ZNF75D: variants seen among roughly 807,000 people sequenced by gnomAD.
ZNF75D encodes zinc finger protein 75.
A neutral mutation model predicts 33.3 loss-of-function variants in ZNF75D; 33 were observed. The ratio of observed to expected loss-of-function variants is 0.99; its 90% confidence interval spans 0.75 to 1.32. ZNF75D has a LOEUF of 1.32. Ranked by LOEUF, ZNF75D falls within the 40% of genes most tolerant of loss-of-function variation. ZNF75D has a pLI of 0.00. For synonymous variants in ZNF75D, 113 were observed against 130.6 expected, an observed-to-expected ratio of 0.87 and a Z score of 0.92; for missense variants, 338 against 367.5, an observed-to-expected ratio of 0.92 and a Z score of 0.66.
intron 1 of ZNF75D, among the ~76,000 whole-genome samples, chrX:135,325,233 G>C (rs1308364342): frequency 9.4e-6 from 1 of 106,913 alleles, no homozygotes; most frequent in East Asian, 3.1e-4. Flanking sequence ...CTCAGAGCCA[G>C]TGCATGCCAG....
At chrX:135,298,902 TC>T (rs2084173025) in intron 1 of ZNF75D, among the ~76,000 whole-genome samples, 1 of 112,073 alleles carries the variant, frequency 8.9e-6, no homozygotes, top group South Asian at 3.7e-4. Flanking sequence ...CTTTTGTGTC[TC>T]CCTTTTTTCC....
intron 1 of ZNF75D, among the ~76,000 whole-genome samples, chrX:135,276,146 T>C (rs1215027863): frequency 9.0e-6 from 1 of 111,597 alleles, no homozygotes; most frequent in Non-Finnish European, 1.9e-5. Flanking sequence ...ACACATCCAA[T>C]ACCCAAAACA....
At chrX:135,291,432 C>A in intron 5 of ZNF75D, 40 bp downstream of exon 5, 1 of 1,203,307 alleles carries the variant, frequency 8.3e-7, no homozygotes, top group Non-Finnish European at 1.1e-6. Flanking sequence ...GGCAAGGCCA[C>A]AGTCAAGTCA....
rs781852285 is a variant in ZNF75D at position 135,331,602 on chromosome X, T to C, written c.-391+10166A>G. On this transcript the variant is annotated intron_variant, in intron 1 of 6. Coordinates refer to ENST00000370766, the MANE Select transcript of ZNF75D (RefSeq NM_007131.5). Reference sequence around the variant, plus strand: ...AACATAAGGTCAACCATTAAAGCCATTGCAAATTCCAAGCATTTCTCTTGT... The same window carrying C: ...AACATAAGGTCAACCATTAAAGCCACTGCAAATTCCAAGCATTTCTCTTGT... Among the ~76,000 whole-genome samples, 5 of 111,109 alleles carry C rather than the reference T, an allele frequency of 4.5e-5. No homozygotes were observed. In the Admixed American group the frequency reaches 4.8e-4, roughly 11 times the overall value.
chrX:135,277,239 GTGA>G (rs1556417738), intron 1 of ZNF75D, among the ~76,000 whole-genome samples: 1 of 112,519 alleles, frequency 8.9e-6, no homozygotes, highest in Non-Finnish European at 1.9e-5. Context: ...CTAATGACCA[GTGA>G]TGATGAACTT....
At chrX:135,336,104 G>C (rs1556442344) in intron 1 of ZNF75D, among the ~76,000 whole-genome samples, 1 of 111,979 alleles carries the variant, frequency 8.9e-6, no homozygotes, top group Admixed American at 9.4e-5. Flanking sequence ...TGGAGCCTTT[G>C]AGAAGAGATT....
At chrX:135,288,937 T>G (rs1462836559) in intron 6 of ZNF75D, among the ~76,000 whole-genome samples, 2 of 112,241 alleles carry the variant, frequency 1.8e-5, no homozygotes, top group Non-Finnish European at 3.8e-5. Context: ...TAAGGTTTTC[T>G]GTTTTGTTTT....
intron 1 of ZNF75D, among the ~76,000 whole-genome samples, chrX:135,328,670 C>T (rs2084612788): frequency 8.9e-6 from 1 of 112,055 alleles, no homozygotes; most frequent in Non-Finnish European, 1.9e-5. Context: ...GCCAAGGAAG[C>T]CTAAGGGACT....
intron 1 of ZNF75D, among the ~76,000 whole-genome samples, chrX:135,274,505 A>G (rs2083893008): frequency 8.9e-6 from 1 of 111,790 alleles, no homozygotes; most frequent in Non-Finnish European, 1.9e-5. Flanking sequence ...ATTTAATGTT[A>G]GCTAAATCCT....
chrX:135,258,016 A>G (rs781952549), intron 1 of ZNF75D, among the ~76,000 whole-genome samples: 2 of 108,512 alleles, frequency 1.8e-5, no homozygotes, highest in East Asian at 5.7e-4. Flanking sequence ...CCTGTGTCCA[A>G]GTGATCTCAT....
chrX:135,315,083 A>C (rs1168387614), intron 1 of ZNF75D, among the ~76,000 whole-genome samples: 1 of 111,939 alleles, frequency 8.9e-6, no homozygotes, highest in African/African-American at 3.2e-5. Context: ...TATTGTTATA[A>C]ATTTCTCTCT....
intron 1 of ZNF75D, among the ~76,000 whole-genome samples, chrX:135,267,002 A>G (rs1556416388): frequency 8.9e-6 from 1 of 111,877 alleles, no homozygotes; most frequent in Non-Finnish European, 1.9e-5. Flanking sequence ...TAAACAGCAT[A>G]CCCATGAATG....
Position 135,325,708 on chromosome X carries a change from C to A in ZNF75D, c.-391+16060G>T, listed in dbSNP as rs1035000399. Among the ~76,000 whole-genome samples, 3 of 113,126 alleles carry A rather than the reference C, an allele frequency of 2.7e-5. No homozygotes were observed. In the Admixed American group the frequency reaches 2.8e-4, roughly 10 times the overall value. On this transcript the variant is annotated intron_variant, in intron 1 of 6. Transcript: ENST00000370766. Reference sequence around the variant, plus strand: ...CCTTCCCACAGGGCAGGGCTCGAGACCTGCAGCCCGCCATGCCTGAGCCTC... The same window carrying A: ...CCTTCCCACAGGGCAGGGCTCGAGAACTGCAGCCCGCCATGCCTGAGCCTC...
intron 1 of ZNF75D, among the ~76,000 whole-genome samples, chrX:135,265,219 CAAA>C (rs559739170): frequency 4.1e-5 from 2 of 48,688 alleles, no homozygotes; most frequent in African/African-American, 1.5e-4. Flanking sequence ...AACTCTGTCT[CAAA>C]AAAAAAAAAA....
chrX:135,266,771 C>T lies in ZNF75D; in HGVS notation n.828-10994G>A, dbSNP rs139529114. Among the ~76,000 whole-genome samples the T allele has an allele frequency of 7.6e-3, 850 of 111,976 alleles. 14 individuals are homozygous for T. Among genetic ancestry groups the T allele is most frequent in the African/African-American group, 0.027 (820 of 30,854 alleles). Reference sequence around the variant, plus strand: ...ATCAAAGTTAATCTGCACTATAGAACAAATGGACTTAATAGATATTTACAG... The same window carrying T: ...ATCAAAGTTAATCTGCACTATAGAATAAATGGACTTAATAGATATTTACAG... On this transcript the variant is annotated intron_variant and non_coding_transcript_variant, in intron 1 of 3. Coordinates refer to the ZNF75D transcript ENST00000494295.
chrX:135,337,073 G>A lies in ZNF75D; in HGVS notation c.-391+4695C>T, dbSNP rs189211201. ...CTAGAATGACATGGAACTTATCTGC[G>A]TGTGGGGGCAGGTAAACAGATATTC... is the stretch of plus-strand genomic sequence containing the variant. On this transcript the variant is annotated intron_variant, in intron 1 of 6. Coordinates refer to ENST00000370766, the MANE Select transcript of ZNF75D (RefSeq NM_007131.5). Among the ~76,000 whole-genome samples the A allele has an allele frequency of 4.7e-3, 527 of 111,963 alleles. 4 individuals carry two copies. Among genetic ancestry groups the A allele is most frequent in the Non-Finnish European group, 6.6e-3 (351 of 53,174 alleles).
At chrX:135,327,055 T>C (rs1556438233) in intron 1 of ZNF75D, among the ~76,000 whole-genome samples, 1 of 112,608 alleles carries the variant, frequency 8.9e-6, no homozygotes, top group African/African-American at 3.2e-5. Context: ...AAGGGGAACC[T>C]GAAGATCACA....
chrX:135,304,389 AGAG>A (rs2084258635), intron 1 of ZNF75D, among the ~76,000 whole-genome samples: 1 of 111,885 alleles, frequency 8.9e-6, no homozygotes, highest in African/African-American at 3.2e-5. Context: ...GGAGACCTGG[AGAG>A]GAGGAGGTTT....
chrX:135,333,206 C>T (rs1335026945), intron 1 of ZNF75D, among the ~76,000 whole-genome samples: 1 of 111,591 alleles, frequency 9.0e-6, no homozygotes, highest in African/African-American at 3.3e-5. Flanking sequence ...CAGAGAAATT[C>T]TTGGTGCAGG....
Sources: allele counts gnomAD v4.1 joint callset (sites outside exome capture counted in the v4.1 genomes callset), GRCh38; gene constraint gnomAD v4.1.1; transcripts MANE v1.5; gene names NCBI Gene and HGNC (gene_info 2026-07-23, HGNC 2026-07-21).